KDM3B: variants seen among roughly 807,000 people sequenced by gnomAD.
The protein encoded by KDM3B is lysine-specific demethylase 3B.
KDM3B carries 10 observed loss-of-function variants against 170.0 expected under a neutral mutation model. That is an observed-to-expected ratio of 0.06 (90% CI 0.04 to 0.10). The LOEUF is 0.10. Ranked by LOEUF, KDM3B falls within the 10% of genes least tolerant of loss-of-function variation. The pLI is 1.00. For missense variants in KDM3B, 1,394 were observed against 2,195.2 expected, an observed-to-expected ratio of 0.64 and a Z score of 7.29; for synonymous variants, 831 against 834.8, an observed-to-expected ratio of 1.00 and a Z score of 0.08.
chr5:138,425,374 C>T (rs200785401), intron 16 of KDM3B, 37 bp from the exon 17 acceptor site: 1 of 1,596,378 alleles, frequency 6.3e-7, no homozygotes, highest in South Asian at 1.1e-5. Flanking sequence ...GAAGTTTTTC[C>T]TAGATTGCTC....
At chr5:138,384,715 CACG>C (rs1213000752) in intron 6 of KDM3B, among the ~76,000 whole-genome samples, 3 of 140,302 alleles carry the variant, frequency 2.1e-5, no homozygotes, top group African/African-American at 8.0e-5. Context: ...CTCCAGCCTG[CACG>C]ACAAGAGCGA....
chr5:138,362,279 T>C (rs1049441614), intron 1 of KDM3B, among the ~76,000 whole-genome samples: 6 of 148,630 alleles, frequency 4.0e-5, no homozygotes, highest in Non-Finnish European at 8.9e-5. Context: ...ATTGCACCAC[T>C]GTACTCCAGC....
chr5:138,419,391 C>T (rs1449070724), intron 14 of KDM3B, among the ~76,000 whole-genome samples, 159 bp downstream of exon 14: 1 of 152,086 alleles, frequency 6.6e-6, no homozygotes, highest in African/African-American at 2.4e-5. Context: ...CGTGGTGGCT[C>T]ACGCGTGTAA....
intron 1 of KDM3B, among the ~76,000 whole-genome samples, chr5:138,363,077 GT>G (rs929672176): frequency 2.0e-5 from 3 of 151,838 alleles, no homozygotes; most frequent in African/African-American, 7.3e-5. Context: ...ACTGCTGACT[GT>G]TTATTTCAAT....
chr5:138,390,300 C>T (rs1426650630), intron 7 of KDM3B, among the ~76,000 whole-genome samples: 1 of 152,112 alleles, frequency 6.6e-6, no homozygotes, highest in African/African-American at 2.4e-5. Flanking sequence ...CATTTATCCT[C>T]TTTGGATTCT....
At chr5:138,371,293 C>G (rs757648) in intron 1 of KDM3B, among the ~76,000 whole-genome samples, 38,187 of 151,636 alleles carry the variant, frequency 0.25, 5,406 homozygotes, top group East Asian at 0.56. Context: ...GACCCTGTCT[C>G]TACAAATAAT....
Position 138,375,170 on chromosome 5 carries a change from G to C in KDM3B, c.438G>C (p.Arg146=). ...AATATCTTCTGGATCGAGAGCTTCG[G>C]TTCCTGTCAGATGCCAATGGGTTGC... ...PVEYLLDREL[R]FLSDANGLHL... is the part of the protein sequence containing the mutation. Residue 146 remains arginine, a synonymous_variant, in exon 3 of 24, where the codon CGG becomes CGC. Coordinates refer to ENST00000314358, the MANE Select transcript of KDM3B (RefSeq NM_016604.4). 1 of 1,613,586 alleles carries C rather than the reference G, an allele frequency of 6.2e-7. No individual in the cohort carries two copies. The highest frequency in any genetic ancestry group is 8.5e-7 in the Non-Finnish European group (1 of 1,179,640).
Position 138,372,665 on chromosome 5 carries a change from C to G in KDM3B, c.193-9C>G. ...GTGTGACTTCCAAACTGCTTTTTAT[C>G]TCTTGCAGATCTTTGTAGAATTTGA... On this transcript the variant is annotated splice_polypyrimidine_tract_variant and intron_variant, in intron 1 of 23. Coordinates refer to ENST00000314358, the MANE Select transcript of KDM3B (RefSeq NM_016604.4). 1 of 1,606,758 alleles carries G rather than the reference C, an allele frequency of 6.2e-7. No homozygotes were observed. Among genetic ancestry groups the G allele is most frequent in the Non-Finnish European group, 8.5e-7 (1 of 1,175,556 alleles).
intron 7 of KDM3B, among the ~76,000 whole-genome samples, chr5:138,388,652 A>AC (rs1561771350): frequency 2.2e-5 from 3 of 133,816 alleles, no homozygotes; most frequent in Admixed American, 1.6e-4. Context: ...AAAAAAAAAA[A>AC]AAAAAAAAAA....
chr5:138,413,624 T>A (rs1763029540), intron 11 of KDM3B, among the ~76,000 whole-genome samples: 1 of 152,058 alleles, frequency 6.6e-6, no homozygotes, highest in African/African-American at 2.4e-5. Flanking sequence ...TATAGCTGCT[T>A]TATTTATTTT....
At position 138,424,284 on chromosome 5, in the gene KDM3B, T is replaced by C. The variant is rs1342785636; in HGVS notation, c.4182T>C (p.His1394=). 1.2e-5 allele frequency: 19 copies of C among 1,614,164 alleles called. No individual in the cohort carries two copies. The highest frequency in any genetic ancestry group is 1.5e-5 in the Non-Finnish European group (18 of 1,180,026). The part of the protein sequence containing the change: ...WLCDGRLLCL[H]DPSNKNNWKI... ...GTGATGGGAGGCTTCTGTGTCTCCA[T>C]GACCCCAGCAACAAAAACAATTGGA... Residue 1394 remains histidine, a synonymous_variant, in exon 16 of 24, where the codon CAT becomes CAC. Transcript: ENST00000314358.
intron 9 of KDM3B, 56 bp from the exon 10 acceptor site, chr5:138,398,122 G>A: frequency 7.6e-7 from 1 of 1,314,548 alleles, no homozygotes; most frequent in Non-Finnish European, 1.1e-6. Context: ...AGGAGTTTAG[G>A]TGTGTGTTAG....
chr5:138,424,492 A>C (rs1763346091), intron 16 of KDM3B, 151 bp downstream of exon 16: 1 of 961,154 alleles, frequency 1.0e-6, no homozygotes, highest in African/African-American at 1.6e-5. Context: ...TTGGATTTTT[A>C]AAAGCAAGGA....
At chr5:138,362,503 A>G (rs1361089715) in intron 1 of KDM3B, among the ~76,000 whole-genome samples, 4 of 151,018 alleles carry the variant, frequency 2.6e-5, no homozygotes, top group African/African-American at 4.9e-5. Flanking sequence ...GTGTGCACCT[A>G]TAGGGAGGAT....
At chr5:138,418,193 C>T (rs1763158586) in intron 13 of KDM3B, among the ~76,000 whole-genome samples, 1 of 149,260 alleles carries the variant, frequency 6.7e-6, no homozygotes, top group African/African-American at 2.5e-5. Context: ...GATTCTCATG[C>T]CTCAGCCTCC....
In KDM3B at chr5:138,400,025, T is replaced by C; in HGVS notation, c.3199+13T>C. ...CGGCCACGCAGTGGTAAGTAAACAT[T>C]GTCCTGTGTAGCTCGAAAGGTAACG... is the stretch of plus-strand genomic sequence containing the variant. On this transcript the variant is annotated intron_variant, in intron 11 of 23. Coordinates refer to ENST00000314358, the MANE Select transcript of KDM3B (RefSeq NM_016604.4). 2 of 1,613,658 alleles carry C rather than the reference T, an allele frequency of 1.2e-6. No individual in the cohort carries two copies. The highest frequency in any genetic ancestry group is 1.7e-6 in the Non-Finnish European group (2 of 1,179,634).
At position 138,386,156 on chromosome 5, in the gene KDM3B, CAG is replaced by C; in HGVS notation, c.916_917del (p.Arg306GlyfsTer2). 6.2e-7 allele frequency: 1 copy of C among 1,614,100 alleles called. No homozygotes were observed. Among genetic ancestry groups the C allele is most frequent in the Non-Finnish European group, 8.5e-7 (1 of 1,180,030 alleles). ...CTGCATCAAAGAAATTAAAAGGAGACAGGGGTGAAGTAGACAGTAATGGGAGC... is the reference window on the plus strand; with the variant it reads ...CTGCATCAAAGAAATTAAAAGGAGACGGGTGAAGTAGACAGTAATGGGAGC... ...DPASKKLKGD[R>X]GEVDSNGSDG... On this transcript the variant is annotated frameshift_variant, in exon 7 of 24. Coordinates refer to ENST00000314358, the MANE Select transcript of KDM3B (RefSeq NM_016604.4). LOFTEE classifies it high-confidence loss of function.
At chr5:138,419,692 T>C (rs141991742) in intron 14 of KDM3B, among the ~76,000 whole-genome samples, 24,083 of 112,520 alleles carry the variant, frequency 0.21, 3,923 homozygotes, top group East Asian at 0.54. Flanking sequence ...TATATATACA[T>C]ATATATATAC....
intron 8 of KDM3B, among the ~76,000 whole-genome samples, chr5:138,392,868 G>T (rs753712141): frequency 1.1e-4 from 17 of 152,176 alleles, no homozygotes; most frequent in Non-Finnish European, 1.6e-4. Context: ...TAGCCATATC[G>T]TGAGAGACTA....
Sources: gnomAD v4.1 joint callset for allele counts (sites outside exome capture counted in the v4.1 genomes callset) on GRCh38, gnomAD v4.1.1 for gene constraint, MANE v1.5 for transcripts, NCBI Gene and HGNC (gene_info 2026-07-23, HGNC 2026-07-21) for gene names.